The following IPMK variants were observed in gnomAD, a reference collection of about 807,000 sequenced individuals.
The protein encoded by IPMK is inositol polyphosphate multikinase, also known as inositol 1,3,4,6-tetrakisphosphate 5-kinase.
Under a neutral mutation model 45.8 loss-of-function variants are expected in IPMK, and 17 were observed. The observed-to-expected ratio is 0.37, with a 90% CI of 0.25 to 0.56. The LOEUF (loss-of-function observed/expected upper bound fraction) is 0.56. Among genes scored for constraint, IPMK ranks in the 20% least tolerant of loss-of-function variants. IPMK has a pLI of 0.79. For synonymous variants in IPMK, 180 were observed against 184.3 expected (o/e 0.98, Z 0.19); for missense variants, 399 against 498.0 (o/e 0.80, Z 1.89).
chr10:58,245,414 C>G (rs566081179), intron 1 of IPMK, among the ~76,000 whole-genome samples: 4 of 151,976 alleles, frequency 2.6e-5, no homozygotes, highest in South Asian at 2.1e-4. Flanking sequence ...GAGTTCAAAA[C>G]CATCCTGGCC....
At position 58,193,285 on chromosome 10, in the gene IPMK, G is replaced by A. The variant is rs17636964; in HGVS notation, c.*2791C>T. Reference sequence around the variant, plus strand: ...ATGCTCAATCAAAATACAGACGAAGGTTCTTCAGTTAAACAGTTTAGAGCC... The same window carrying A: ...ATGCTCAATCAAAATACAGACGAAGATTCTTCAGTTAAACAGTTTAGAGCC... On this transcript the variant is annotated 3_prime_UTR_variant, in exon 6 of 6. Coordinates refer to ENST00000373935, the MANE Select transcript of IPMK (RefSeq NM_152230.5). The A allele has an allele frequency of 8.6e-5, 13 of 151,626 alleles. No individual in the cohort carries two copies. The highest frequency in any genetic ancestry group is 6.6e-4 in the Admixed American group (10 of 15,226). The allele number at this position is 151,626 out of a possible 1,614,324, so 9.4% of individuals were successfully genotyped here.
At chr10:58,253,939 C>G (rs956083226) in intron 1 of IPMK, among the ~76,000 whole-genome samples, 3 of 151,868 alleles carry the variant, frequency 2.0e-5, no homozygotes, top group Admixed American at 1.3e-4. Flanking sequence ...GATATGTTTC[C>G]TTTCTCTTGA....
intron 1 of IPMK, 109 bp from the exon 2 acceptor site, chr10:58,237,923 A>T (rs1838638596): frequency 5.2e-6 from 4 of 764,022 alleles, no homozygotes; most frequent in African/African-American, 1.8e-5. Context: ...ATTAAACTTA[A>T]GGGTTTACTT....
intron 4 of IPMK, among the ~76,000 whole-genome samples, chr10:58,214,570 C>T (rs1044210767): frequency 6.6e-6 from 1 of 152,262 alleles, no homozygotes; most frequent in African/African-American, 2.4e-5. Context: ...GAAATAACTG[C>T]TTGAACAATT....
At chr10:58,209,131 G>GCCTGTCA in intron 4 of IPMK, among the ~76,000 whole-genome samples, 1 of 152,150 alleles carries the variant, frequency 6.6e-6, no homozygotes, top group Non-Finnish European at 1.5e-5. Flanking sequence ...GCCTGAATCT[G>GCCTGTCA]GGGGGTGCTC....
rs1838031167 is a variant in IPMK, at chr10:58,203,784, C to G, written c.547-4463G>C. 2.0e-5 allele frequency among the ~76,000 whole-genome samples: 3 copies of G among 152,314 alleles called. 1 individual carries two copies. In the South Asian group the frequency reaches 6.2e-4, roughly 32 times the overall value. On this transcript the variant is annotated intron_variant, in intron 4 of 5. Transcript: ENST00000373935. Reference sequence around the variant, plus strand: ...ATCTGAGAGGACTGACTCCAATTTTCAAAGTTCTACTGTGGGTAAAATTCT... The same window carrying G: ...ATCTGAGAGGACTGACTCCAATTTTGAAAGTTCTACTGTGGGTAAAATTCT...
At chr10:58,207,371 T>C (rs1269885707) in intron 4 of IPMK, among the ~76,000 whole-genome samples, 1 of 152,264 alleles carries the variant, frequency 6.6e-6, no homozygotes, top group Non-Finnish European at 1.5e-5. Context: ...GCTATAAACA[T>C]GCATATGCAA....
chr10:58,223,779 A>G (rs1465015146), intron 3 of IPMK, among the ~76,000 whole-genome samples: 3 of 152,118 alleles, frequency 2.0e-5, no homozygotes, highest in African/African-American at 7.2e-5. Context: ...GTTTTCCCCC[A>G]AGCTGTTCTC....
chr10:58,223,415 T>C (rs1228335745), intron 3 of IPMK, among the ~76,000 whole-genome samples: 1 of 152,082 alleles, frequency 6.6e-6, no homozygotes, highest in East Asian at 1.9e-4. Context: ...AAATAACTAG[T>C]TCCTTTAAAG....
intron 1 of IPMK, among the ~76,000 whole-genome samples, chr10:58,254,301 T>C (rs1207484425): frequency 6.6e-6 from 1 of 152,206 alleles, no homozygotes; most frequent in Admixed American, 6.5e-5. Context: ...CTTTCCTCTG[T>C]TTCATCAAGT....
chr10:58,212,698 G>T, intron 4 of IPMK: 2 of 245,258 alleles, frequency 8.2e-6, no homozygotes, highest in Non-Finnish European at 8.9e-6. Flanking sequence ...TGTCGCAAAA[G>T]GTTTTACTTT....
chr10:58,201,115 G>T (rs1403523211), intron 4 of IPMK, among the ~76,000 whole-genome samples: 1 of 152,136 alleles, frequency 6.6e-6, no homozygotes, highest in East Asian at 1.9e-4. Context: ...AAACATATAT[G>T]CAGTATTTGC....
At chr10:58,241,514 G>A (rs900302239) in intron 1 of IPMK, among the ~76,000 whole-genome samples, 1 of 152,136 alleles carries the variant, frequency 6.6e-6, no homozygotes, top group Non-Finnish European at 1.5e-5. Flanking sequence ...CAAATCTGTG[G>A]TGCACTGACA....
At chr10:58,207,636 C>G (rs78284719) in intron 4 of IPMK, among the ~76,000 whole-genome samples, 11 of 152,228 alleles carry the variant, frequency 7.2e-5, no homozygotes, top group South Asian at 4.1e-4. Flanking sequence ...CAGTGGAGTA[C>G]TGAAGTGCCC....
intron 1 of IPMK, among the ~76,000 whole-genome samples, chr10:58,254,165 A>G (rs1588972033): frequency 6.6e-6 from 1 of 152,212 alleles, no homozygotes. Flanking sequence ...AAAAATTCCA[A>G]TTATCAGAGG....
At chr10:58,240,985 G>T (rs890476813) in intron 1 of IPMK, among the ~76,000 whole-genome samples, 1 of 152,158 alleles carries the variant, frequency 6.6e-6, no homozygotes, top group Non-Finnish European at 1.5e-5. Flanking sequence ...AGTTGTTGAG[G>T]TAAGAGCAGC....
chr10:58,194,686 G>A lies in IPMK; in HGVS notation c.*1390C>T, dbSNP rs1446787340. 2 of 151,812 alleles carry A rather than the reference G, an allele frequency of 1.3e-5. No homozygotes were observed. The highest frequency in any genetic ancestry group is 2.4e-5 in the African/African-American group (1 of 41,382). 9.4% of individuals were successfully genotyped at this position (151,812 alleles called of 1,614,324 possible). A position where few individuals can be genotyped will look rare whatever the true frequency, so the allele number is the denominator to read the frequency against. Reference sequence around the variant, plus strand: ...AATTTGTAACTCCAGAAGAAAAAGAGGAGAAAGAATTTACAACCCCAAAAT... The same window carrying A: ...AATTTGTAACTCCAGAAGAAAAAGAAGAGAAAGAATTTACAACCCCAAAAT... On this transcript the variant is annotated 3_prime_UTR_variant, in exon 6 of 6. Coordinates refer to ENST00000373935, the MANE Select transcript of IPMK (RefSeq NM_152230.5).
intron 1 of IPMK, among the ~76,000 whole-genome samples, chr10:58,238,647 T>A (rs115512929): frequency 0.061 from 9,225 of 152,230 alleles, 329 homozygotes; most frequent in African/African-American, 0.087. Flanking sequence ...GTTAGGAATT[T>A]TTTTCTTTCT....
rs566383060 is a variant in IPMK, at chr10:58,197,081, A to G, written c.629-383T>C. On this transcript the variant is annotated intron_variant, in intron 5 of 5. Transcript: ENST00000373935. ...TTTGGGAGGCCAAGGCGGGCGGATCACGAGGTCAGGAGATCCAGACCATCC... is the reference window on the plus strand; with the variant it reads ...TTTGGGAGGCCAAGGCGGGCGGATCGCGAGGTCAGGAGATCCAGACCATCC... 2.7e-3 allele frequency among the ~76,000 whole-genome samples: 412 copies of G among 151,878 alleles called. 1 individual carries two copies. Among genetic ancestry groups the G allele is most frequent in the Non-Finnish European group, 5.0e-3 (337 of 67,940 alleles).
Sources: gnomAD v4.1 joint callset for allele counts (sites outside exome capture counted in the v4.1 genomes callset) on GRCh38, gnomAD v4.1.1 for gene constraint, MANE v1.5 for transcripts, NCBI Gene and HGNC (gene_info 2026-07-23, HGNC 2026-07-21) for gene names.